Variants in MBD1 observed in about 807,000 individuals in gnomAD.
The protein encoded by MBD1 is methyl-CpG-binding domain protein 1.
In MBD1, 25 loss-of-function variants were observed where a neutral mutation model predicts 82.6. The ratio of observed to expected loss-of-function variants is 0.30; its 90% confidence interval spans 0.22 to 0.42. The LOEUF (loss-of-function observed/expected upper bound fraction) is 0.42. Among genes scored for constraint, MBD1 ranks in the 10% least tolerant of loss-of-function variants. MBD1 has a pLI of 1.00. For synonymous variants in MBD1, 301 were observed against 303.7 expected, an observed-to-expected ratio of 0.99 and a Z score of 0.09; for missense variants, 627 against 819.6, an observed-to-expected ratio of 0.76 and a Z score of 2.87.
At chr18:50,267,127 A>T (rs893964403), downstream of MBD1, 1 of 161,392 alleles carries the variant, frequency 6.2e-6, no homozygotes, top group Admixed American at 6.0e-5. Flanking sequence ...GGGTCCCGCT[A>T]TGTTGCTCAG....
downstream of MBD1, chr18:50,267,712 G>C: frequency 2.3e-6 from 3 of 1,315,788 alleles, no homozygotes; most frequent in Non-Finnish European, 3.2e-6. Context: ...TCTAAAGTGG[G>C]GGTGAGCATA....
Position 50,276,107 on chromosome 18 carries a change from T to C in MBD1, c.517-126A>G, listed in dbSNP as rs994393538. On this transcript the variant is annotated intron_variant, in intron 6 of 16. Transcript: ENST00000269468. Reference sequence around the variant, plus strand: ...GTCCCCCATTAGCCTCATCACCGTATCTGAGAAGGTCTGGTTAGTCACCAT... The same window carrying C: ...GTCCCCCATTAGCCTCATCACCGTACCTGAGAAGGTCTGGTTAGTCACCAT... The C allele has an allele frequency of 8.1e-6, 10 of 1,239,004 alleles. No individual in the cohort carries two copies. The African/African-American group carries it at 1.0e-4, about 13-fold the overall frequency. 76.8% of individuals were successfully genotyped at this position (1,239,004 alleles called of 1,614,324 possible). A position where few individuals can be genotyped will look rare whatever the true frequency, so the allele number is the denominator to read the frequency against.
intron 10 of MBD1, among the ~76,000 whole-genome samples, chr18:50,274,759 T>G (rs1017988748): frequency 6.6e-6 from 1 of 152,136 alleles, no homozygotes; most frequent in Non-Finnish European, 1.5e-5. Context: ...CCTCTGTCAA[T>G]CCCCACATCA....
In MBD1 at chr18:50,279,868, C is replaced by T. The variant is rs760793440; in HGVS notation, c.110+15G>A. The T allele has an allele frequency of 1.2e-6, 2 of 1,613,946 alleles. No individual in the cohort carries two copies. Among genetic ancestry groups the T allele is most frequent in the South Asian group, 2.2e-5 (2 of 91,088 alleles). On this transcript the variant is annotated intron_variant, in intron 2 of 16. Coordinates refer to ENST00000269468, the MANE Select transcript of MBD1 (RefSeq NM_015846.4). ...TCTACCCCACTCCTGACTCTGCCCA[C>T]TACCCACCCAGTACCTCTGGTAATA...
Position 50,275,633 on chromosome 18 carries a change from G to T in MBD1, c.759C>A (p.Arg253=). 1 of 1,614,158 alleles carries T rather than the reference G, an allele frequency of 6.2e-7. No homozygotes were observed. The highest frequency in any genetic ancestry group is 8.5e-7 in the Non-Finnish European group (1 of 1,180,018). The part of the protein sequence containing the change: ...CLRPPRPGLR[R]QWKCVQRRCL... ...AACGTCGCTGGACACATTTCCACTG[G>T]CGCCTGAGACCAGGGCGGGGAGGGC... Residue 253 remains arginine, a synonymous_variant, in exon 8 of 17, where the codon CGC becomes CGA. Transcript: ENST00000269468.
At chr18:50,281,330 C>A in intron 1 of MBD1, 33 bp downstream of exon 1, 1 of 1,083,414 alleles carries the variant, frequency 9.2e-7, no homozygotes, top group Non-Finnish European at 1.4e-6. Context: ...TCCGCCTGAG[C>A]GCTCTCCACG....
upstream of MBD1, chr18:50,281,743 C>T (rs953800796): frequency 2.2e-4 from 80 of 362,056 alleles, no homozygotes; most frequent in Non-Finnish European, 1.0e-4. Context: ...TGCGGCTCTC[C>T]TCGCTGCCCA....
At chr18:50,274,153 T>G (rs1485541099) in intron 11 of MBD1, 33 bp downstream of exon 11, 1 of 1,612,630 alleles carries the variant, frequency 6.2e-7, no homozygotes, top group African/African-American at 1.3e-5. Flanking sequence ...GCCCAACCTA[T>G]CCCGTCCACC....
chr18:50,275,541 G>A (rs769260802), intron 8 of MBD1, 59 bp downstream of exon 8: 5 of 1,613,308 alleles, frequency 3.1e-6, no homozygotes, highest in African/African-American at 2.7e-5. Flanking sequence ...TTGAAAGGAA[G>A]CAGAGGCAGC....
At chr18:50,275,419 C>A (rs765142146) in intron 8 of MBD1, 174 bp from the exon 9 acceptor site, 1 of 1,604,134 alleles carries the variant, frequency 6.2e-7, no homozygotes. Flanking sequence ...TCTCTGATGA[C>A]GGCGACGCAG....
At chr18:50,274,831 A>T in intron 10 of MBD1, 146 bp downstream of exon 10, 1 of 811,312 alleles carries the variant, frequency 1.2e-6, no homozygotes, top group Non-Finnish European at 2.1e-6. Flanking sequence ...ACCCCGTATT[A>T]GTCCTCCATT....
chr18:50,274,167 C>A lies in MBD1; in HGVS notation c.1146+19G>T. The A allele has an allele frequency of 6.2e-7, 1 of 1,613,536 alleles. No individual in the cohort carries two copies. The highest frequency in any genetic ancestry group is 2.2e-5 in the East Asian group (1 of 44,886). The stretch of plus-strand genomic sequence containing the variant: ...GGCCCAACCTATCCCGTCCACCTGA[C>A]CCTTCCTGCCCCACCCACCATGGCA... On this transcript the variant is annotated intron_variant, in intron 11 of 16. Coordinates refer to ENST00000269468, the MANE Select transcript of MBD1 (RefSeq NM_015846.4).
At chr18:50,280,357 C>A (rs2039728403) in intron 1 of MBD1, among the ~76,000 whole-genome samples, 1 of 151,894 alleles carries the variant, frequency 6.6e-6, no homozygotes, top group South Asian at 2.1e-4. Flanking sequence ...TCCTCCCTGT[C>A]ACTGACCTAA....
At chr18:50,268,508 G>C (rs1424286857), downstream of MBD1, among the ~76,000 whole-genome samples, 1 of 152,268 alleles carries the variant, frequency 6.6e-6, no homozygotes, top group Non-Finnish European at 1.5e-5. Flanking sequence ...GCGCCGGACG[G>C]AGACCACGCC....
chr18:50,274,007 A>G, intron 11 of MBD1, 144 bp from the exon 12 acceptor site: 6 of 1,314,264 alleles, frequency 4.6e-6, no homozygotes, highest in Non-Finnish European at 6.5e-6. Context: ...TGAGCCTGCT[A>G]GTCTCCTATT....
At chr18:50,276,471 G>C in intron 5 of MBD1, 53 bp from the exon 6 acceptor site, 1 of 1,571,900 alleles carries the variant, frequency 6.4e-7, no homozygotes, top group Non-Finnish European at 8.8e-7. Context: ...ACAGACATCT[G>C]ACTTCACTCA....
At chr18:50,276,253 A>C (rs904549000) in intron 6 of MBD1, 125 bp downstream of exon 6, 9 of 1,028,672 alleles carry the variant, frequency 8.7e-6, no homozygotes, top group Admixed American at 2.0e-5. Context: ...CTGCTGACCT[A>C]TGGAGAGCAC....
Position 50,275,169 on chromosome 18 carries a change from G to A in MBD1, c.869C>T (p.Pro290Leu). 1 of 1,614,144 alleles carries A rather than the reference G, an allele frequency of 6.2e-7. No individual in the cohort carries two copies. The highest frequency in any genetic ancestry group is 8.5e-7 in the Non-Finnish European group (1 of 1,180,010). ...ARRRPGAQPLPPPPPSQSPEP... is the reference protein window; with the variant it reads ...ARRRPGAQPLLPPPPSQSPEP... ...TGGGGACTGTGATGGGGGTGGTGGA[G>A]GCAGTGGCTGGGCTCCGGGGCGCCG... is the stretch of plus-strand genomic sequence containing the variant. Residue 290 changes from proline (P) to leucine (L), a missense_variant, in exon 9 of 17, where the codon CCT becomes CTT. Transcript: ENST00000269468.
At chr18:50,267,713 G>A, downstream of MBD1, 1 of 1,278,516 alleles carries the variant, frequency 7.8e-7, no homozygotes, top group Non-Finnish European at 1.1e-6. Context: ...CTAAAGTGGG[G>A]GTGAGCATAG....
Sources: gnomAD v4.1 joint callset for allele counts (sites outside exome capture counted in the v4.1 genomes callset) on GRCh38, gnomAD v4.1.1 for gene constraint, MANE v1.5 for transcripts, NCBI Gene and HGNC (gene_info 2026-07-23, HGNC 2026-07-21) for gene names.